SEL1L2: variants seen among roughly 807,000 people sequenced by gnomAD.
SEL1L2 encodes SEL1L2 adaptor subunit of SYVN1 ubiquitin ligase.
A neutral mutation model predicts 98.8 loss-of-function variants in SEL1L2; 89 were observed. That is an observed-to-expected ratio of 0.90 (90% CI 0.76 to 1.07). SEL1L2 has a LOEUF of 1.07. Ranked by LOEUF, SEL1L2 falls within the 50% of genes least tolerant of loss-of-function variation. The pLI is 0.00. For synonymous variants in SEL1L2, 262 were observed against 278.5 expected (o/e 0.94, Z 0.59); for missense variants, 788 against 812.0 (o/e 0.97, Z 0.36).
At chr20:13,922,799 T>C (rs1403398749) in intron 3 of SEL1L2, among the ~76,000 whole-genome samples, 1 of 152,244 alleles carries the variant, frequency 6.6e-6, no homozygotes. Flanking sequence ...TCTTTTTCCT[T>C]TTATTTTTCT....
chr20:13,893,741 C>T (rs541392114), intron 5 of SEL1L2, among the ~76,000 whole-genome samples: 23 of 152,104 alleles, frequency 1.5e-4, no homozygotes, highest in Admixed American at 5.9e-4. Context: ...TTCTCAAGGG[C>T]GCACAAAAAC....
chr20:13,877,820 ATTT>A (rs1348114938), intron 10 of SEL1L2, among the ~76,000 whole-genome samples: 1 of 152,166 alleles, frequency 6.6e-6, no homozygotes, highest in African/African-American at 2.4e-5. Context: ...CTTACATATA[ATTT>A]TATAACATGA....
intron 4 of SEL1L2, 146 bp from the exon 5 acceptor site, chr20:13,914,090 T>A (rs1414474080): frequency 3.1e-6 from 2 of 641,128 alleles, no homozygotes; most frequent in Non-Finnish European, 5.0e-6. Context: ...TCTAGATCAG[T>A]AGATTTTTTT....
intron 2 of SEL1L2, among the ~76,000 whole-genome samples, chr20:13,949,760 T>C (rs1489046395): frequency 2.0e-5 from 3 of 149,252 alleles, no homozygotes; most frequent in Non-Finnish European, 4.4e-5. Context: ...TTGGTGGGCA[T>C]GTAAAATGGT....
chr20:13,951,340 T>C (rs1181587371), intron 2 of SEL1L2, among the ~76,000 whole-genome samples: 1 of 121,792 alleles, frequency 8.2e-6, no homozygotes, highest in Admixed American at 8.4e-5. Context: ...GAAAATACAG[T>C]GTATTTGCTC....
chr20:13,920,181 T>A lies in SEL1L2; in HGVS notation c.284-1058A>T, dbSNP rs532003505. On this transcript the variant is annotated intron_variant, in intron 3 of 19. Transcript: ENST00000284951. ...AGGCAGAAGTTACAGTGAGCTGAGA[T>A]CAGGCCACTGCACTCCAGCCTGGGT... is the stretch of plus-strand genomic sequence containing the variant. 3.1e-4 allele frequency among the ~76,000 whole-genome samples: 43 copies of A among 139,524 alleles called. No individual in the cohort carries two copies. In the South Asian group the frequency reaches 9.7e-3, roughly 32 times the overall value. The allele number at this position is 139,524 out of a possible 152,430, so 91.5% of individuals were successfully genotyped here. A position where few individuals can be genotyped will look rare whatever the true frequency, so the allele number is the denominator to read the frequency against.
chr20:13,908,180 C>T (rs552611743), intron 5 of SEL1L2, among the ~76,000 whole-genome samples: 11 of 105,754 alleles, frequency 1.0e-4, no homozygotes, highest in Admixed American at 4.2e-4. Flanking sequence ...TGTGGTGGTG[C>T]GAACACAGCT....
intron 5 of SEL1L2, chr20:13,913,493 A>G (rs2048285358): frequency 4.2e-6 from 1 of 237,824 alleles, no homozygotes; most frequent in Non-Finnish European, 8.0e-6. Flanking sequence ...TTTAGCTTAT[A>G]AAATATTTGA....
At chr20:13,951,757 A>G (rs994782744) in intron 2 of SEL1L2, among the ~76,000 whole-genome samples, 5 of 150,358 alleles carry the variant, frequency 3.3e-5, no homozygotes, top group African/African-American at 1.2e-4. Flanking sequence ...ATATTTCAAA[A>G]CTCATCATAC....
chr20:13,972,401 G>T (rs1274887776), intron 1 of SEL1L2, among the ~76,000 whole-genome samples: 8 of 151,962 alleles, frequency 5.3e-5, no homozygotes, highest in East Asian at 1.9e-4. Flanking sequence ...ACTGTGAAAA[G>T]GATTTTTAAA....
intron 3 of SEL1L2, among the ~76,000 whole-genome samples, chr20:13,926,028 G>T (rs1162740218): frequency 1.3e-5 from 2 of 152,158 alleles, no homozygotes; most frequent in South Asian, 2.1e-4. Context: ...GTTAAGAAGG[G>T]ACCTTCAGGG....
chr20:13,893,292 C>T (rs1051862887), intron 5 of SEL1L2, among the ~76,000 whole-genome samples: 2 of 152,128 alleles, frequency 1.3e-5, no homozygotes, highest in African/African-American at 4.8e-5. Context: ...ATAAAGTTCC[C>T]CCTTTTCCTC....
At chr20:13,964,448 T>TC (rs965540215) in intron 1 of SEL1L2, among the ~76,000 whole-genome samples, 7 of 55,428 alleles carry the variant, frequency 1.3e-4, no homozygotes, top group South Asian at 6.2e-4. Flanking sequence ...TATCTCTTCA[T>TC]TTTTTTTTTT....
intron 5 of SEL1L2, among the ~76,000 whole-genome samples, chr20:13,907,959 T>C (rs1178391790): frequency 2.0e-5 from 3 of 151,404 alleles, no homozygotes; most frequent in Admixed American, 6.6e-5. Flanking sequence ...TACTTATTTA[T>C]ATTTTTTTGT....
At chr20:13,990,398 T>C (rs966518187) in intron 1 of SEL1L2, 79 bp downstream of exon 1, 9 of 958,652 alleles carry the variant, frequency 9.4e-6, no homozygotes, top group African/African-American at 1.6e-5. Context: ...TCTAGTCTTT[T>C]AATTGGCTTC....
At chr20:13,932,437 TATTATTA>T (rs1568993416) in intron 2 of SEL1L2, among the ~76,000 whole-genome samples, 6 of 149,220 alleles carry the variant, frequency 4.0e-5, no homozygotes, top group East Asian at 2.0e-4. Context: ...TTATTATTAT[TATTATTA>T]TTTTTTGAGA....
At chr20:13,962,022 A>G (rs1294531034) in intron 1 of SEL1L2, among the ~76,000 whole-genome samples, 1 of 152,224 alleles carries the variant, frequency 6.6e-6, no homozygotes, top group East Asian at 1.9e-4. Context: ...AAGGAACTTC[A>G]TCGACATCTT....
chr20:13,953,461 G>GTCCTTA (rs527361746), intron 2 of SEL1L2, among the ~76,000 whole-genome samples: 76 of 152,174 alleles, frequency 5.0e-4, no homozygotes, highest in African/African-American at 1.8e-3. Flanking sequence ...ATCGGTCTTC[G>GTCCTTA]TCCTTATCCT....
intron 2 of SEL1L2, among the ~76,000 whole-genome samples, chr20:13,941,362 G>T (rs2049768070): frequency 1.3e-5 from 2 of 152,172 alleles, no homozygotes; most frequent in Admixed American, 6.5e-5. Flanking sequence ...GGGACAATTT[G>T]TAACGGTGGT....
Sources: allele counts gnomAD v4.1 joint callset (sites outside exome capture counted in the v4.1 genomes callset), GRCh38; gene constraint gnomAD v4.1.1; transcripts MANE v1.5; gene names NCBI Gene and HGNC (gene_info 2026-07-23, HGNC 2026-07-21).